The following DPP10 variants were observed in gnomAD, a reference collection of about 807,000 sequenced individuals.
DPP10 encodes inactive dipeptidyl peptidase 10.
DPP10 carries 33 observed loss-of-function variants against 120.9 expected under a neutral mutation model. The ratio of observed to expected loss-of-function variants is 0.27; its 90% confidence interval spans 0.21 to 0.37. The LOEUF (loss-of-function observed/expected upper bound fraction) is 0.37. Among genes scored for constraint, DPP10 ranks in the 10% least tolerant of loss-of-function variants. The pLI is 1.00. For missense variants in DPP10, 816 were observed against 942.8 expected, an observed-to-expected ratio of 0.87 and a Z score of 1.76; for synonymous variants, 337 against 326.1, an observed-to-expected ratio of 1.03 and a Z score of -0.36.
chr2:115,125,549 G>A (rs1291429393), intron 1 of DPP10, among the ~76,000 whole-genome samples: 2 of 143,748 alleles, frequency 1.4e-5, no homozygotes, highest in Non-Finnish European at 3.0e-5. Context: ...AGCCACCTAA[G>A]TTCAATAGAT....
At chr2:115,157,193 T>C (rs2051974660) in intron 1 of DPP10, among the ~76,000 whole-genome samples, 1 of 146,404 alleles carries the variant, frequency 6.8e-6, no homozygotes, top group African/African-American at 2.6e-5. Context: ...CCTGTATATA[T>C]GACACAGAAG....
intron 1 of DPP10, among the ~76,000 whole-genome samples, chr2:115,129,286 T>A (rs1573717968): frequency 1.3e-5 from 2 of 152,348 alleles, no homozygotes; most frequent in East Asian, 3.9e-4. Context: ...TGGATGATAA[T>A]GCATTCCAAT....
chr2:114,497,906 A>T (rs993462822), intron 1 of DPP10, among the ~76,000 whole-genome samples: 3 of 152,178 alleles, frequency 2.0e-5, no homozygotes, highest in Non-Finnish European at 2.9e-5. Context: ...TTCTAGGGAG[A>T]TGCTCACTCG....
chr2:114,850,003 C>CTT (rs1688827531), intron 1 of DPP10, among the ~76,000 whole-genome samples: 1 of 149,552 alleles, frequency 6.7e-6, no homozygotes, highest in Non-Finnish European at 1.5e-5. Flanking sequence ...CATCCCCTCC[C>CTT]CTCCCTTCCC....
In DPP10 at chr2:114,472,883, A is replaced by G. The variant is rs573264662; in HGVS notation, c.60+30045A>G. Among the ~76,000 whole-genome samples the G allele has an allele frequency of 1.4e-4, 22 of 152,310 alleles. 1 individual carries two copies. The South Asian group carries it at 4.4e-3, about 30-fold the overall frequency. ...TGTGGTCCAGGTTTATCTCAACAATACAATCTCCTCATGCCGTTCTACCTT... is the reference window on the plus strand; with the variant it reads ...TGTGGTCCAGGTTTATCTCAACAATGCAATCTCCTCATGCCGTTCTACCTT... On this transcript the variant is annotated intron_variant, in intron 1 of 25. Coordinates refer to ENST00000410059, the MANE Select transcript of DPP10 (RefSeq NM_020868.6).
At chr2:114,788,539 C>T (rs1047947736) in intron 1 of DPP10, among the ~76,000 whole-genome samples, 1 of 152,018 alleles carries the variant, frequency 6.6e-6, no homozygotes, top group Non-Finnish European at 1.5e-5. Flanking sequence ...CCTCAGCCTC[C>T]CGAGTAGCTG....
chr2:115,343,463 A>G (rs1486887156), intron 2 of DPP10, among the ~76,000 whole-genome samples: 1 of 152,118 alleles, frequency 6.6e-6, no homozygotes, highest in Non-Finnish European at 1.5e-5. Context: ...ATATATCAAC[A>G]TAAGTTTGGA....
chr2:115,706,408 T>C (rs969335227), intron 7 of DPP10, among the ~76,000 whole-genome samples: 2 of 151,972 alleles, frequency 1.3e-5, no homozygotes, highest in African/African-American at 4.8e-5. Flanking sequence ...ATATTAAATA[T>C]TAAATTGTGG....
At position 115,151,715 on chromosome 2, in the gene DPP10, A is replaced by T. The variant is rs868496797; in HGVS notation, c.61-157524A>T. Among the ~76,000 whole-genome samples the T allele has an allele frequency of 1.6e-3, 224 of 139,878 alleles. 2 individuals carry two copies. Among genetic ancestry groups the T allele is most frequent in the African/African-American group, 5.3e-3 (204 of 38,654 alleles). The allele number at this position is 139,878 out of a possible 152,430, so 91.8% of individuals were successfully genotyped here. A position where few individuals can be genotyped will look rare whatever the true frequency, so the allele number is the denominator to read the frequency against. ...AGCCACCGCGCCCAGTCAGTATTGA[A>T]TTTTTTTTTTTTTTTTTTAAATCCT... On this transcript the variant is annotated intron_variant, in intron 1 of 25. Coordinates refer to ENST00000410059, the MANE Select transcript of DPP10 (RefSeq NM_020868.6).
At chr2:114,929,058 C>T (rs760500072) in intron 1 of DPP10, among the ~76,000 whole-genome samples, 1 of 152,122 alleles carries the variant, frequency 6.6e-6, no homozygotes, top group Non-Finnish European at 1.5e-5. Flanking sequence ...CCAGGGGTAA[C>T]ATCACCTATT....
chr2:114,508,304 C>T (rs1442423250), intron 1 of DPP10, among the ~76,000 whole-genome samples: 2 of 152,172 alleles, frequency 1.3e-5, no homozygotes, highest in Admixed American at 1.3e-4. Flanking sequence ...TTTTTGATCA[C>T]TATAGTTTGG....
At chr2:114,724,844 C>T (rs1701941176) in intron 1 of DPP10, among the ~76,000 whole-genome samples, 1 of 152,152 alleles carries the variant, frequency 6.6e-6, no homozygotes, top group Admixed American at 6.5e-5. Flanking sequence ...TAACAATTTG[C>T]TTGATAGCTC....
chr2:115,523,591 A>T (rs2077952209), intron 4 of DPP10, among the ~76,000 whole-genome samples: 1 of 152,064 alleles, frequency 6.6e-6, no homozygotes, highest in Non-Finnish European at 1.5e-5. Context: ...TCTTTACATA[A>T]CAGCGTACCA....
intron 3 of DPP10, among the ~76,000 whole-genome samples, chr2:115,455,078 A>G (rs2073414752): frequency 4.0e-5 from 6 of 151,332 alleles, no homozygotes; most frequent in Admixed American, 4.0e-4. Flanking sequence ...ATGTAAAATA[A>G]CATCACAAAC....
chr2:115,415,832 G>T, intron 3 of DPP10, among the ~76,000 whole-genome samples: 2 of 57,542 alleles, frequency 3.5e-5, no homozygotes, highest in African/African-American at 6.8e-5. Context: ...CTTTATACCT[G>T]ATTTGCTTTT....
intron 1 of DPP10, among the ~76,000 whole-genome samples, chr2:115,297,579 G>A (rs1307809570): frequency 6.6e-6 from 1 of 151,994 alleles, no homozygotes; most frequent in African/African-American, 2.4e-5. Context: ...AAGTGGATGC[G>A]TGGTGCACCA....
intron 1 of DPP10, among the ~76,000 whole-genome samples, chr2:114,789,792 A>G (rs908040960): frequency 3.3e-5 from 5 of 152,242 alleles, no homozygotes; most frequent in African/African-American, 1.2e-4. Context: ...GTGATATACA[A>G]CACATGAGTG....
intron 2 of DPP10, among the ~76,000 whole-genome samples, chr2:115,336,991 ATAAAT>A (rs888627474): frequency 7.2e-5 from 11 of 152,046 alleles, no homozygotes; most frequent in African/African-American, 2.4e-4. Context: ...TGATTCTAAC[ATAAAT>A]TAAGTTCCTG....
chr2:115,396,046 T>A (rs2067655488), intron 3 of DPP10, among the ~76,000 whole-genome samples: 1 of 152,124 alleles, frequency 6.6e-6, no homozygotes, highest in Admixed American at 6.6e-5. Context: ...CCATACATAC[T>A]TTATAACCCT....
Sources: gnomAD v4.1 joint callset for allele counts (sites outside exome capture counted in the v4.1 genomes callset) on GRCh38, gnomAD v4.1.1 for gene constraint, MANE v1.5 for transcripts, NCBI Gene and HGNC (gene_info 2026-07-23, HGNC 2026-07-21) for gene names.